The following LGI2 variants were observed in gnomAD, a reference collection of about 807,000 sequenced individuals.
LGI2 encodes the protein leucine-rich repeat LGI family member 2.
Under a neutral mutation model 52.0 loss-of-function variants are expected in LGI2, and 30 were observed. The observed-to-expected ratio is 0.58, with a 90% confidence interval of 0.43 to 0.78. The LOEUF (loss-of-function observed/expected upper bound fraction) is 0.78. LGI2 is among the 30% of genes least tolerant of loss of function. The probability of loss-of-function intolerance (pLI) is 0.00; values close to 1 mark genes in which losing one functional copy is unlikely to be tolerated. For synonymous variants in LGI2, 270 were observed against 271.8 expected, an observed-to-expected ratio of 0.99 and a Z score of 0.06; for missense variants, 573 against 692.5, an observed-to-expected ratio of 0.83 and a Z score of 1.94.
rs754533651 is a variant in LGI2, at chr4:25,012,376, T to A, written c.779A>T (p.Asp260Val). The part of the protein sequence containing the change: ...SMENCMVLEW[D>V]HIEMNFRSYD... ...GCTCCGGAAATTCATTTCAATGTGGTCCCACTCCAGCACCATGCAGTTCTC... is the reference window on the plus strand; with the variant it reads ...GCTCCGGAAATTCATTTCAATGTGGACCCACTCCAGCACCATGCAGTTCTC... Residue 260 changes from aspartate (D) to valine (V), a missense_variant, in exon 7 of 8, where the codon GAC becomes GTC. Asp to Val is a radical substitution (Grantham distance 152). Transcript: ENST00000382114. 2.2e-5 allele frequency: 35 copies of A among 1,614,110 alleles called. No individual in the cohort carries two copies. The highest frequency in any genetic ancestry group is 6.7e-5 in the Admixed American group (4 of 60,002).
Position 25,003,606 on chromosome 4 carries a change from C to T in LGI2, c.1483G>A (p.Glu495Lys), listed in dbSNP as rs746670569. 3 of 1,614,216 alleles carry T rather than the reference C, an allele frequency of 1.9e-6. No homozygotes were observed. The Admixed American group carries it at 5.0e-5, about 27-fold the overall frequency. The change falls in exon 8 of 8, where the codon GAG becomes AAG. Residue 495 changes from glutamate to lysine, a missense_variant. Glu to Lys is a moderately conservative substitution (Grantham distance 56). Transcript: ENST00000382114. ...TTAAACTTTTTGAATAGCTGCTTCT[C>T]TTTATCCCACTGGTATATCTGAGAG... ...TFSQIYQWDK[E>K]KQLFKKFKEI...
chr4:24,994,655 G>A (rs541263861), downstream of LGI2, among the ~76,000 whole-genome samples: 7 of 152,190 alleles, frequency 4.6e-5, no homozygotes, highest in East Asian at 9.7e-4. Context: ...TTCGGGGGTC[G>A]GTGTTAGGAA....
At chr4:24,996,679 G>A (rs937324208), downstream of LGI2, among the ~76,000 whole-genome samples, 4 of 152,130 alleles carry the variant, frequency 2.6e-5, no homozygotes, top group Non-Finnish European at 4.4e-5. Flanking sequence ...CTGATGGGCT[G>A]GCCGCACCAC....
Position 25,003,943 on chromosome 4 carries a change from A to G in LGI2, c.1146T>C (p.Asp382=), listed in dbSNP as rs1655947858. 2.5e-6 allele frequency: 4 copies of G among 1,614,032 alleles called. No homozygotes were observed. The highest frequency in any genetic ancestry group is 2.7e-5 in the African/African-American group (2 of 74,918). ...TGGACAGGATGAGATGCGATTTTCC[A>G]TCGATATCAACAAACTCCGCATCCG... The part of the protein sequence containing the change: ...RDTDAEFVDI[D]GKSHLILSSR... The change falls in exon 8 of 8, where the codon GAT becomes GAC. Residue 382 remains aspartate (D), a synonymous_variant. Coordinates refer to ENST00000382114, the MANE Select transcript of LGI2 (RefSeq NM_018176.4).
chr4:25,014,148 G>A (rs762783580), intron 6 of LGI2, among the ~76,000 whole-genome samples: 1 of 152,102 alleles, frequency 6.6e-6, no homozygotes, highest in African/African-American at 2.4e-5. Context: ...AAGCACTCCC[G>A]TGACGCCCAT....
intron 2 of LGI2, among the ~76,000 whole-genome samples, 183 bp from the exon 3 acceptor site, chr4:25,027,122 G>A (rs1033802253): frequency 6.6e-6 from 1 of 152,194 alleles, no homozygotes; most frequent in African/African-American, 2.4e-5. Flanking sequence ...ACGATGGCAA[G>A]TGGATTCCTT....
chr4:24,992,793 C>T, the LGI2 span, among the ~76,000 whole-genome samples: 2 of 152,108 alleles, frequency 1.3e-5, no homozygotes, highest in African/African-American at 4.8e-5. Context: ...TCTTGTGTCC[C>T]CTCACCCCTC....
intron 7 of LGI2, among the ~76,000 whole-genome samples, chr4:25,011,937 G>T (rs975019753): frequency 3.3e-5 from 5 of 152,176 alleles, no homozygotes; most frequent in African/African-American, 1.2e-4. Flanking sequence ...GTGTGTGTGT[G>T]TGTTTGTTAG....
chr4:25,005,198 C>T (rs915588804), intron 7 of LGI2, among the ~76,000 whole-genome samples: 2 of 152,120 alleles, frequency 1.3e-5, no homozygotes, highest in South Asian at 2.1e-4. Flanking sequence ...AGATGAAAAG[C>T]GTTTGGACGT....
intron 1 of LGI2, among the ~76,000 whole-genome samples, chr4:25,030,226 T>C (rs1726292719): frequency 6.6e-6 from 1 of 152,196 alleles, no homozygotes; most frequent in Non-Finnish European, 1.5e-5. Context: ...TGGCACAAGC[T>C]TCCCCAGGTG....
At chr4:25,007,577 C>CAG (rs1725431167) in intron 7 of LGI2, among the ~76,000 whole-genome samples, 1 of 108,858 alleles carries the variant, frequency 9.2e-6, no homozygotes, top group Non-Finnish European at 1.8e-5. Flanking sequence ...GCAGACAGAT[C>CAG]AGTGTGTGTG....
Position 25,028,580 on chromosome 4 carries a change from T to G in LGI2, c.198-2A>C. ...GAAAACGTCCCATTTACCAGGCTCCTACGGGCAAAAGATGAACAAAAGTAG... is the reference window on the plus strand; with the variant it reads ...GAAAACGTCCCATTTACCAGGCTCCGACGGGCAAAAGATGAACAAAAGTAG... On this transcript the variant is annotated splice_acceptor_variant, in intron 1 of 7. Coordinates refer to ENST00000382114, the MANE Select transcript of LGI2 (RefSeq NM_018176.4). LOFTEE classifies it high-confidence loss of function. 1 of 1,611,524 alleles carries G rather than the reference T, an allele frequency of 6.2e-7. No individual in the cohort carries two copies. Among genetic ancestry groups the G allele is most frequent in the Non-Finnish European group, 8.5e-7 (1 of 1,178,888 alleles).
At position 24,999,904 on chromosome 4, in the gene LGI2, T is replaced by C; in HGVS notation, c.*3547A>G. 1 of 455,894 alleles carries C rather than the reference T, an allele frequency of 2.2e-6. No individual in the cohort carries two copies. The highest frequency in any genetic ancestry group is 1.6e-5 in the South Asian group (1 of 64,472). 28.2% of individuals were successfully genotyped at this position (455,894 alleles called of 1,614,324 possible). A position where few individuals can be genotyped will look rare whatever the true frequency, so the allele number is the denominator to read the frequency against. ...TTTCCTTCACAGATCTCTTCTTGTT[T>C]ATCTGGTGGACAATGTGACAAGAAC... On this transcript the variant is annotated 3_prime_UTR_variant, in exon 8 of 8. Transcript: ENST00000382114.
At chr4:25,016,738 G>A (rs774268039) in intron 6 of LGI2, among the ~76,000 whole-genome samples, 3 of 152,188 alleles carry the variant, frequency 2.0e-5, no homozygotes, top group African/African-American at 4.8e-5. Flanking sequence ...AGGTGGTAGC[G>A]GGGACTGGCC....
At chr4:25,017,897 A>G in intron 6 of LGI2, 92 bp downstream of exon 6, 1 of 1,133,284 alleles carries the variant, frequency 8.8e-7, no homozygotes, top group Non-Finnish European at 1.2e-6. Flanking sequence ...ACAGTTCTAT[A>G]TTCACTTTTC....
chr4:25,022,615 T>C (rs1726007851), intron 4 of LGI2, among the ~76,000 whole-genome samples: 1 of 152,198 alleles, frequency 6.6e-6, no homozygotes, highest in South Asian at 2.1e-4. Context: ...TGTACACATG[T>C]ACACATGATA....
At chr4:24,994,062 G>A (rs576279353), downstream of LGI2, among the ~76,000 whole-genome samples, 8 of 152,196 alleles carry the variant, frequency 5.3e-5, no homozygotes, top group South Asian at 4.1e-4. Context: ...ATTATATTTC[G>A]CTATAGTTAG....
At position 25,030,867 on chromosome 4, in the gene LGI2, G is replaced by C. The variant is rs1178633125; in HGVS notation, c.-174C>G. On this transcript the variant is annotated 5_prime_UTR_variant, in exon 1 of 8. Coordinates refer to ENST00000382114, the MANE Select transcript of LGI2 (RefSeq NM_018176.4). ...GCCGCAGCCGAGCAGCATGCTGGCC[G>C]CCACCCCCACTCGGCGCCCCCCCAC... 4.9e-6 allele frequency: 1 copy of C among 204,440 alleles called. No homozygotes were observed. The highest frequency in any genetic ancestry group is 8.7e-6 in the Non-Finnish European group (1 of 114,740). 12.7% of individuals were successfully genotyped at this position (204,440 alleles called of 1,614,324 possible).
At chr4:24,997,835 G>A (rs189472023), downstream of LGI2, among the ~76,000 whole-genome samples, 154 of 152,272 alleles carry the variant, frequency 1.0e-3, no homozygotes, top group African/African-American at 3.3e-3. Flanking sequence ...GCACCTAACT[G>A]CTTCATTCAT....
Sources: gnomAD v4.1 joint callset for allele counts (sites outside exome capture counted in the v4.1 genomes callset) on GRCh38, gnomAD v4.1.1 for gene constraint, MANE v1.5 for transcripts, NCBI Gene and HGNC (gene_info 2026-07-23, HGNC 2026-07-21) for gene names.